OSBPL1A: variants seen among roughly 807,000 people sequenced by gnomAD.
OSBPL1A encodes the protein oxysterol binding protein like 1A, also known as oxysterol-binding protein-related protein 1.
A neutral mutation model predicts 137.1 loss-of-function variants in OSBPL1A; 80 were observed. The ratio of observed to expected loss-of-function variants is 0.58; its 90% CI spans 0.49 to 0.70. The LOEUF is 0.70. Among genes scored for constraint, OSBPL1A ranks in the 30% least tolerant of loss-of-function variants. OSBPL1A has a pLI of 0.00. For synonymous variants in OSBPL1A, 365 were observed against 389.7 expected, an observed-to-expected ratio of 0.94 and a Z score of 0.75; for missense variants, 970 against 1,129.4, an observed-to-expected ratio of 0.86 and a Z score of 2.02.
At chr18:24,262,156 A>G (rs2089458526) in intron 15 of OSBPL1A, among the ~76,000 whole-genome samples, 1 of 152,238 alleles carries the variant, frequency 6.6e-6, no homozygotes, top group East Asian at 1.9e-4. Context: ...TGATAATTGC[A>G]TCATCAAATT....
chr18:24,355,269 C>T (rs1404006778), intron 4 of OSBPL1A, among the ~76,000 whole-genome samples: 2 of 151,554 alleles, frequency 1.3e-5, no homozygotes, highest in Admixed American at 6.6e-5. Context: ...TTTGGGAGGC[C>T]GAGGCAGGAG....
chr18:24,279,137 C>T (rs375072764), intron 15 of OSBPL1A, among the ~76,000 whole-genome samples: 56 of 151,624 alleles, frequency 3.7e-4, no homozygotes, highest in Admixed American at 9.2e-4. Flanking sequence ...TGTATATGCT[C>T]GCCATGGAGG....
chr18:24,364,099 T>C (rs2091668492), intron 4 of OSBPL1A, among the ~76,000 whole-genome samples: 1 of 152,130 alleles, frequency 6.6e-6, no homozygotes, highest in South Asian at 2.1e-4. Context: ...TTTTGGGGGA[T>C]TAGGATGTGG....
chr18:24,201,068 C>T (rs890288086), intron 17 of OSBPL1A, among the ~76,000 whole-genome samples: 3 of 152,066 alleles, frequency 2.0e-5, no homozygotes, highest in Non-Finnish European at 4.4e-5. Flanking sequence ...GATTCTCTCT[C>T]GGTGGAGTTT....
At chr18:24,199,304 C>G (rs1479073531) in intron 17 of OSBPL1A, among the ~76,000 whole-genome samples, 1 of 152,128 alleles carries the variant, frequency 6.6e-6, no homozygotes. Flanking sequence ...GTGTGGCGAA[C>G]AGTGGGCACA....
intron 17 of OSBPL1A, among the ~76,000 whole-genome samples, chr18:24,224,282 C>T (rs961266336): frequency 2.6e-5 from 4 of 152,024 alleles, no homozygotes; most frequent in African/African-American, 9.7e-5. Flanking sequence ...ACACAACCTA[C>T]AAATATTAAA....
chr18:24,286,021 A>G (rs545263711), intron 14 of OSBPL1A, among the ~76,000 whole-genome samples: 1 of 152,216 alleles, frequency 6.6e-6, no homozygotes, highest in African/African-American at 2.4e-5. Context: ...GCCGGCCATC[A>G]TGGCGTGTGC....
intron 23 of OSBPL1A, among the ~76,000 whole-genome samples, chr18:24,171,097 C>T (rs534755173): frequency 4.7e-5 from 7 of 150,480 alleles, no homozygotes; most frequent in African/African-American, 7.4e-5. Flanking sequence ...TGTGGTGGTG[C>T]GATCTCGGCT....
chr18:24,214,929 A>G (rs2087648163), intron 17 of OSBPL1A, among the ~76,000 whole-genome samples: 1 of 152,148 alleles, frequency 6.6e-6, no homozygotes, highest in Non-Finnish European at 1.5e-5. Flanking sequence ...AAATATAACA[A>G]TTTGTTTGTG....
intron 16 of OSBPL1A, among the ~76,000 whole-genome samples, chr18:24,234,555 C>T (rs2088386301): frequency 6.6e-6 from 1 of 152,174 alleles, no homozygotes; most frequent in East Asian, 1.9e-4. Context: ...GGAAAAATTC[C>T]TCTCTTACAC....
chr18:24,314,765 G>C (rs1479006367), intron 11 of OSBPL1A, among the ~76,000 whole-genome samples: 1 of 152,148 alleles, frequency 6.6e-6, no homozygotes, highest in Non-Finnish European at 1.5e-5. Flanking sequence ...GGAGAAAAGG[G>C]AAAGAGAGTA....
chr18:24,252,675 G>A (rs1261233166), intron 15 of OSBPL1A, among the ~76,000 whole-genome samples: 7 of 152,156 alleles, frequency 4.6e-5, no homozygotes, highest in Non-Finnish European at 8.8e-5. Context: ...AGAAAAACAC[G>A]GAATATCAAA....
At chr18:24,300,512 G>A (rs2090378953) in intron 14 of OSBPL1A, among the ~76,000 whole-genome samples, 5 of 152,314 alleles carry the variant, frequency 3.3e-5, no homozygotes, top group Admixed American at 3.3e-4. Context: ...TTCCTTAAAG[G>A]CTTCTGATTC....
At chr18:24,190,334 C>A (rs1312221450) in intron 18 of OSBPL1A, among the ~76,000 whole-genome samples, 2 of 114,278 alleles carry the variant, frequency 1.8e-5, no homozygotes, top group Non-Finnish European at 3.3e-5. Context: ...TTCACAGTTG[C>A]CCTCTGCTAC....
At chr18:24,276,072 G>A (rs2089840440) in intron 15 of OSBPL1A, among the ~76,000 whole-genome samples, 1 of 151,912 alleles carries the variant, frequency 6.6e-6, no homozygotes, top group Admixed American at 6.6e-5. Context: ...CAGCAGTCAG[G>A]AGATTTAACA....
At position 24,333,085 on chromosome 18, in the gene OSBPL1A, A is replaced by G; in HGVS notation, c.482T>C (p.Leu161Pro). The G allele has an allele frequency of 6.2e-7, 1 of 1,612,468 alleles. No individual in the cohort carries two copies. Residue 161 changes from leucine to proline, a missense_variant and splice_region_variant, in exon 7 of 28, where the codon CTC becomes CCC. Physicochemically the swap from Leu to Pro is moderately conservative, Grantham distance 98. Transcript: ENST00000319481. Reference protein sequence around the residue: ...EGKTTELTALLNRPNPPDVNC... With the variant: ...EGKTTELTALPNRPNPPDVNC... ...AACATCAGGAGGATTGGGCCTGTTG[A>G]GCTAACAATTAAAAAAATGCAATGC...
intron 15 of OSBPL1A, among the ~76,000 whole-genome samples, chr18:24,246,289 G>A (rs1367873037): frequency 6.6e-6 from 1 of 152,024 alleles, no homozygotes. Flanking sequence ...CTAAGGGACC[G>A]AGGCAGATTT....
At chr18:24,310,662 T>G (rs1466891548) in intron 13 of OSBPL1A, among the ~76,000 whole-genome samples, 2 of 150,920 alleles carry the variant, frequency 1.3e-5, no homozygotes, top group East Asian at 3.9e-4. Context: ...GGTATGTAAG[T>G]TAGTATGCTT....
At chr18:24,299,570 A>C (rs1315222371) in intron 14 of OSBPL1A, among the ~76,000 whole-genome samples, 4 of 152,200 alleles carry the variant, frequency 2.6e-5, no homozygotes. Flanking sequence ...CTGTCTAAGG[A>C]GGTTAAAGAC....
Sources: allele counts gnomAD v4.1 joint callset (sites outside exome capture counted in the v4.1 genomes callset), GRCh38; gene constraint gnomAD v4.1.1; transcripts MANE v1.5; gene names NCBI Gene and HGNC (gene_info 2026-07-23, HGNC 2026-07-21).